The following OTX1 variants were observed in gnomAD, a reference collection of about 807,000 sequenced individuals.
OTX1 encodes homeobox protein OTX1.
A neutral mutation model predicts 26.7 loss-of-function variants in OTX1; 7 were observed. That is an observed-to-expected ratio of 0.26 (90% CI 0.15 to 0.49). OTX1 has a LOEUF of 0.49. Ranked by LOEUF, OTX1 falls within the 20% of genes least tolerant of loss-of-function variation. The probability of loss-of-function intolerance (pLI) is 0.98; values close to 1 mark genes in which losing one functional copy is unlikely to be tolerated. For synonymous variants in OTX1, 216 were observed against 212.8 expected (o/e 1.01, Z -0.13); for missense variants, 414 against 483.8 (o/e 0.86, Z 1.35).
upstream of OTX1, chr2:63,050,617 C>A (rs1025355786): frequency 7.3e-6 from 1 of 136,944 alleles, no homozygotes; most frequent in Non-Finnish European, 1.6e-5. Context: ...AGCCGAGTCC[C>A]GGAGTTAGCG....
rs189889171 is a variant in OTX1, at chr2:63,053,591, C to T, written c.98-456C>T. On this transcript the variant is annotated intron_variant, in intron 3 of 4. Coordinates refer to ENST00000282549, the MANE Select transcript of OTX1 (RefSeq NM_014562.4). ...GCGCTGCTGTAGAGGACGACTTGAG[C>T]CAAAGCCGGGGTTTCTTTTTTAGCT... The T allele has an allele frequency of 2.0e-4, 34 of 170,882 alleles. No individual in the cohort carries two copies. In the East Asian group the frequency reaches 3.6e-3, roughly 18 times the overall value. The allele number at this position is 170,882 out of a possible 1,614,324, so 10.6% of individuals were successfully genotyped here.
At position 63,052,988 on chromosome 2, in the gene OTX1, A is replaced by G. The variant is rs747733103; in HGVS notation, c.-3A>G. The G allele has an allele frequency of 6.2e-6, 10 of 1,609,112 alleles. No homozygotes were observed. In the South Asian group the frequency reaches 1.1e-4, roughly 18 times the overall value. On this transcript the variant is annotated 5_prime_UTR_variant, in exon 3 of 5. Coordinates refer to ENST00000282549, the MANE Select transcript of OTX1 (RefSeq NM_014562.4). ...GTCGGGGCGCCTCCACCCAGCTGTT[A>G]GCATGATGTCTTACCTCAAACAACC...
intron 3 of OTX1, 73 bp from the exon 4 acceptor site, chr2:63,053,974 G>C: frequency 6.5e-7 from 1 of 1,537,646 alleles, no homozygotes; most frequent in Non-Finnish European, 8.8e-7. Flanking sequence ...GCCTGCCAGG[G>C]GCCTGCCCGA....
chr2:63,055,890 C>G lies in OTX1; in HGVS notation c.639C>G (p.Gly213=), dbSNP rs757814863. Residue 213 remains glycine, a synonymous_variant, in exon 5 of 5, where the codon GGC becomes GGG. Transcript: ENST00000282549. This position sits in a 1 kb window ranked among gnomAD's most constrained non-coding sequence, Gnocchi z 5.2. ...TSCMQRSVAA[G]AATAAASYPM... is the part of the protein sequence containing the mutation. ...GTATGCAGCGCTCCGTAGCTGCAGGCGCCGCCACCGCAGCAGCCTCTTATC... is the reference window on the plus strand; with the variant it reads ...GTATGCAGCGCTCCGTAGCTGCAGGGGCCGCCACCGCAGCAGCCTCTTATC... 4 of 1,611,612 alleles carry G rather than the reference C, an allele frequency of 2.5e-6. No homozygotes were observed. Among genetic ancestry groups the G allele is most frequent in the South Asian group, 1.1e-5 (1 of 91,070 alleles).
In OTX1 at chr2:63,056,620, T is replaced by G; in HGVS notation, c.*304T>G. On this transcript the variant is annotated 3_prime_UTR_variant, in exon 5 of 5. Coordinates refer to ENST00000282549, the MANE Select transcript of OTX1 (RefSeq NM_014562.4). ...CCCTACTAAACTCTTAAGCCTCCCC[T>G]TCCAGTCTTTCTGGACAGCTATTAA... 2.4e-6 allele frequency: 1 copy of G among 413,652 alleles called. No individual in the cohort carries two copies. 25.6% of individuals were successfully genotyped at this position (413,652 alleles called of 1,614,324 possible).
rs1340692626 is a variant in OTX1 at position 63,055,575 on chromosome 2, C to T, written c.324C>T (p.Ala108=). ...QSGSGTKSRP[A]KKKSSPVRES... Reference sequence around the variant, plus strand: ...GGAGCGGAACCAAGAGCCGCCCAGCCAAGAAGAAGTCCTCTCCAGTGCGGG... The same window carrying T: ...GGAGCGGAACCAAGAGCCGCCCAGCTAAGAAGAAGTCCTCTCCAGTGCGGG... The change falls in exon 5 of 5, where the codon GCC becomes GCT. Residue 108 remains alanine, a synonymous_variant. Coordinates refer to ENST00000282549, the MANE Select transcript of OTX1 (RefSeq NM_014562.4). The surrounding 1 kb of genome is among the most constrained non-coding windows in gnomAD (Gnocchi z 5.2). 2 of 1,614,166 alleles carry T rather than the reference C, an allele frequency of 1.2e-6. No homozygotes were observed. Among genetic ancestry groups the T allele is most frequent in the Non-Finnish European group, 1.7e-6 (2 of 1,180,032 alleles).
At position 63,055,869 on chromosome 2, in the gene OTX1, G is replaced by A; in HGVS notation, c.618G>A (p.Met206Ile). The A allele has an allele frequency of 6.2e-7, 1 of 1,612,274 alleles. No individual in the cohort carries two copies. The highest frequency in any genetic ancestry group is 8.5e-7 in the Non-Finnish European group (1 of 1,179,882). ...CCGCGCCTAGCAACACCTCGTGTATGCAGCGCTCCGTAGCTGCAGGCGCCG... is the reference window on the plus strand; with the variant it reads ...CCGCGCCTAGCAACACCTCGTGTATACAGCGCTCCGTAGCTGCAGGCGCCG... Reference protein sequence around the residue: ...PLAAPSNTSCMQRSVAAGAAT... With the variant: ...PLAAPSNTSCIQRSVAAGAAT... Residue 206 changes from methionine to isoleucine, a missense_variant, in exon 5 of 5, where the codon ATG becomes ATA. Transcript: ENST00000282549. The surrounding 1 kb of genome is among the most constrained non-coding windows in gnomAD (Gnocchi z 5.2).
chr2:63,056,986 G>A lies in OTX1; in HGVS notation c.*670G>A, dbSNP rs1190951869. The stretch of plus-strand genomic sequence containing the variant: ...TCCCGCCCCGCCCTGCGCTGGACTG[G>A]TTCAAGCTTCCGCCTCGGCGGGAAC... On this transcript the variant is annotated 3_prime_UTR_variant, in exon 5 of 5. Transcript: ENST00000282549. The A allele has an allele frequency of 1.3e-5, 2 of 152,348 alleles. No individual in the cohort carries two copies. The highest frequency in any genetic ancestry group is 6.5e-5 in the Admixed American group (1 of 15,296). 9.4% of individuals were successfully genotyped at this position (152,348 alleles called of 1,614,324 possible). A position where few individuals can be genotyped will look rare whatever the true frequency, so the allele number is the denominator to read the frequency against.
intron 2 of OTX1, chr2:63,051,756 C>T (rs1054254044): frequency 6.6e-6 from 1 of 152,588 alleles, no homozygotes; most frequent in Non-Finnish European, 1.5e-5. Context: ...CTTGAACGTC[C>T]TAGCCCGAGT....
intron 3 of OTX1, chr2:63,053,582 C>T (rs913338570): frequency 1.2e-5 from 2 of 170,318 alleles, no homozygotes; most frequent in Non-Finnish European, 2.5e-5. Flanking sequence ...CTGTAGAGGA[C>T]GACTTGAGCC....
At chr2:63,052,323 T>C (rs1324056951) in intron 2 of OTX1, 2 of 152,546 alleles carry the variant, frequency 1.3e-5, no homozygotes, top group African/African-American at 4.8e-5. Context: ...CACAGAGAGG[T>C]CAGCTGGAGT....
chr2:63,053,496 G>T (rs2062040527), intron 3 of OTX1: 1 of 193,284 alleles, frequency 5.2e-6, no homozygotes, highest in Admixed American at 6.0e-5. Flanking sequence ...GAAGCGGCAG[G>T]CTGCACTGAA....
upstream of OTX1, chr2:63,050,266 C>G (rs1247931644): frequency 2.0e-5 from 3 of 152,208 alleles, no homozygotes; most frequent in Non-Finnish European, 4.4e-5. Flanking sequence ...GTAGCCTGCG[C>G]CGGCACGAGC....
In OTX1 at chr2:63,055,281, C is replaced by T. The variant is rs2062055070; in HGVS notation, c.250-220C>T. Among the ~76,000 whole-genome samples, 1 of 151,920 alleles carries T rather than the reference C, an allele frequency of 6.6e-6. No homozygotes were observed. ...GAGGTGCGCATCCCTGCTCTGGAGC[C>T]AGCTGAGGAGGGGCTTTGAGCAGAA... On this transcript the variant is annotated intron_variant, in intron 4 of 4. Coordinates refer to ENST00000282549, the MANE Select transcript of OTX1 (RefSeq NM_014562.4). The surrounding 1 kb of genome is among the most constrained non-coding windows in gnomAD (Gnocchi z 5.2).
In OTX1 at chr2:63,055,865, G is replaced by A; in HGVS notation, c.614G>A (p.Cys205Tyr). The A allele has an allele frequency of 6.2e-7, 1 of 1,612,356 alleles. No individual in the cohort carries two copies. Residue 205 changes from cysteine to tyrosine, a missense_variant, in exon 5 of 5, where the codon TGT (cysteine) becomes TAT (tyrosine). Transcript: ENST00000282549. The surrounding 1 kb of genome is among the most constrained non-coding windows in gnomAD (Gnocchi z 5.2). ...TTGGCCGCGCCTAGCAACACCTCGTGTATGCAGCGCTCCGTAGCTGCAGGC... is the reference window on the plus strand; with the variant it reads ...TTGGCCGCGCCTAGCAACACCTCGTATATGCAGCGCTCCGTAGCTGCAGGC... ...EPLAAPSNTSCMQRSVAAGAA... is the reference protein window; with the variant it reads ...EPLAAPSNTSYMQRSVAAGAA...
At chr2:63,054,294 C>T in intron 4 of OTX1, 96 bp downstream of exon 4, 1 of 1,252,842 alleles carries the variant, frequency 8.0e-7, no homozygotes, top group Non-Finnish European at 1.1e-6. Context: ...AGGAGACCAT[C>T]CTGTGGGGGT....
chr2:63,053,941 C>T, intron 3 of OTX1, 106 bp from the exon 4 acceptor site: 1 of 1,353,118 alleles, frequency 7.4e-7, no homozygotes, highest in East Asian at 2.7e-5. Context: ...GTTCGGCTTT[C>T]TTTTGCGAAG....
chr2:63,055,493 C>T lies in OTX1; in HGVS notation c.250-8C>T, dbSNP rs755476346. The T allele has an allele frequency of 5.0e-6, 8 of 1,609,852 alleles. No individual in the cohort carries two copies. In the South Asian group the frequency reaches 8.8e-5, roughly 18 times the overall value. ...TTGACCCACTCTCCCCCATCCGGCC[C>T]ACTGCAGGTCTGGTTCAAGAACCGC... On this transcript the variant is annotated splice_polypyrimidine_tract_variant and splice_region_variant and intron_variant, in intron 4 of 4. Coordinates refer to ENST00000282549, the MANE Select transcript of OTX1 (RefSeq NM_014562.4). This position sits in a 1 kb window ranked among gnomAD's most constrained non-coding sequence, Gnocchi z 5.2.
At chr2:63,054,523 C>T (rs1002891990) in intron 4 of OTX1, among the ~76,000 whole-genome samples, 3 of 152,264 alleles carry the variant, frequency 2.0e-5, no homozygotes, top group Non-Finnish European at 2.9e-5. Context: ...CTTGCCCCTG[C>T]TTCTTCGCCT....
Sources: gnomAD v4.1 joint callset for allele counts (sites outside exome capture counted in the v4.1 genomes callset) on GRCh38, gnomAD v4.1.1 for gene constraint, Gnocchi (gnomAD v3.1) non-coding constraint, MANE v1.5 for transcripts, NCBI Gene and HGNC (gene_info 2026-07-23, HGNC 2026-07-21) for gene names.